Variants in PKHD1 observed in about 807,000 individuals in gnomAD.
The protein encoded by PKHD1 is PKHD1 ciliary IPT domain containing fibrocystin/polyductin.
In PKHD1, 291 loss-of-function variants were observed where a neutral mutation model predicts 412.0. The ratio of observed to expected loss-of-function variants is 0.71; its 90% CI spans 0.64 to 0.78. The LOEUF is 0.78. Among genes scored for constraint, PKHD1 ranks in the 30% least tolerant of loss-of-function variants. The pLI, the probability that PKHD1 is intolerant of heterozygous loss-of-function variation, is 0.00. For missense variants in PKHD1, 4,825 were observed against 4,950.7 expected, an observed-to-expected ratio of 0.97 and a Z score of 0.76; for synonymous variants, 1,777 against 1,821.5, an observed-to-expected ratio of 0.98 and a Z score of 0.62.
At chr6:51,819,219 CT>C (rs1765974805) in intron 52 of PKHD1, among the ~76,000 whole-genome samples, 1 of 152,174 alleles carries the variant, frequency 6.6e-6, no homozygotes, top group Non-Finnish European at 1.5e-5. Flanking sequence ...ACAGCTGGTA[CT>C]ATATCCCCCT....
intron 9 of PKHD1, 70 bp downstream of exon 9, chr6:52,070,935 CA>C (rs1810519688): frequency 1.1e-6 from 1 of 890,504 alleles, no homozygotes; most frequent in African/African-American, 1.6e-5. Flanking sequence ...ACCAATCTTG[CA>C]ATTGCTTTTG....
At chr6:51,897,789 CAT>C (rs1419020807) in intron 43 of PKHD1, among the ~76,000 whole-genome samples, 5 of 143,376 alleles carry the variant, frequency 3.5e-5, no homozygotes, top group Non-Finnish European at 7.5e-5. Flanking sequence ...CAGAGACACA[CAT>C]AGGCTCAAAA....
chr6:52,005,802 G>A (rs1020192765), intron 35 of PKHD1, among the ~76,000 whole-genome samples: 4 of 151,826 alleles, frequency 2.6e-5, no homozygotes, highest in African/African-American at 9.7e-5. Flanking sequence ...ACGTATTGAA[G>A]GATCGCAAAA....
chr6:52,015,074 T>A (rs1800352423), intron 34 of PKHD1, among the ~76,000 whole-genome samples: 1 of 152,212 alleles, frequency 6.6e-6, no homozygotes, highest in Non-Finnish European at 1.5e-5. Context: ...TACAAACATA[T>A]ACACTATATA....
At chr6:51,975,249 T>C (rs1048651636) in intron 35 of PKHD1, among the ~76,000 whole-genome samples, 8 of 152,150 alleles carry the variant, frequency 5.3e-5, no homozygotes, top group African/African-American at 1.9e-4. Flanking sequence ...AATGATTTCT[T>C]GGATATGACA....
At chr6:51,833,146 T>C (rs1467776209) in intron 51 of PKHD1, among the ~76,000 whole-genome samples, 1 of 152,112 alleles carries the variant, frequency 6.6e-6, no homozygotes, top group African/African-American at 2.4e-5. Context: ...TCATTTCCAG[T>C]GATATTTCAA....
In PKHD1 at chr6:51,748,423, CA is replaced by C. The variant is rs1452223656; in HGVS notation, c.9192del (p.Val3065TrpfsTer3). ...CACGCTGGCTGTGTCATCAGAACCA[CA>C]AGGTTATTAGTGACAGTATAGGCCT... ...EGQAYTVTNN[L>X]VVLMTQPAWS... On this transcript the variant is annotated frameshift_variant, in exon 58 of 67. Transcript: ENST00000371117. LOFTEE classifies it high-confidence loss of function. The C allele has an allele frequency of 6.2e-7, 1 of 1,613,914 alleles. No individual in the cohort carries two copies. Among genetic ancestry groups the C allele is most frequent in the African/African-American group, 1.3e-5 (1 of 74,912 alleles).
At position 51,638,916 on chromosome 6, in the gene PKHD1, G is replaced by A. The variant is rs761556765; in HGVS notation, c.11439C>T (p.Phe3813=). 3 of 1,613,728 alleles carry A rather than the reference G, an allele frequency of 1.9e-6. No individual in the cohort carries two copies. The highest frequency in any genetic ancestry group is 3.3e-5 in the Admixed American group (2 of 59,996). The change falls in exon 64 of 67, where the codon TTC becomes TTT. Residue 3813 remains phenylalanine, a synonymous_variant. Coordinates refer to ENST00000371117, the MANE Select transcript of PKHD1 (RefSeq NM_138694.4). ...QAETQDGYVS[F]YNLAVLISGS... is the part of the protein sequence containing the mutation. Reference sequence around the variant, plus strand: ...CAGAGATCAAGACTGCCAAGTTGTAGAAGCTAACATAACCATCTTGAGTTT... The same window carrying A: ...CAGAGATCAAGACTGCCAAGTTGTAAAAGCTAACATAACCATCTTGAGTTT...
chr6:52,064,113 T>C (rs1430385358), intron 13 of PKHD1, among the ~76,000 whole-genome samples: 1 of 152,358 alleles, frequency 6.6e-6, no homozygotes, highest in South Asian at 2.1e-4. Flanking sequence ...CACACCTGAA[T>C]GCCCTTTCTT....
intron 43 of PKHD1, among the ~76,000 whole-genome samples, chr6:51,898,978 T>A (rs1780687651): frequency 6.6e-6 from 1 of 152,186 alleles, no homozygotes; most frequent in Non-Finnish European, 1.5e-5. Context: ...AGAAGTTGAA[T>A]CTCTGAATAG....
chr6:51,826,273 G>A (rs1767298697), intron 52 of PKHD1, among the ~76,000 whole-genome samples: 5 of 152,070 alleles, frequency 3.3e-5, no homozygotes, highest in Admixed American at 3.3e-4. Flanking sequence ...AGAACAAACA[G>A]AAGAGCTATT....
chr6:52,031,789 T>C (rs1803078215), intron 29 of PKHD1, among the ~76,000 whole-genome samples: 1 of 152,248 alleles, frequency 6.6e-6, no homozygotes, highest in Admixed American at 6.5e-5. Flanking sequence ...GTGGATTTTA[T>C]AACATGCTCC....
rs1388716999 is a variant in PKHD1 at position 51,748,277 on chromosome 6, AG to A, written c.9338del (p.Ser3113PhefsTer49). The A allele has an allele frequency of 4.3e-6, 7 of 1,613,958 alleles. No homozygotes were observed. The highest frequency in any genetic ancestry group is 5.9e-6 in the Non-Finnish European group (7 of 1,179,990). On this transcript the variant is annotated frameshift_variant, in exon 58 of 67. Coordinates refer to ENST00000371117, the MANE Select transcript of PKHD1 (RefSeq NM_138694.4). LOFTEE classifies it high-confidence loss of function. ...GFHIRGHKCSSCELLWSDNVA... is the reference protein window; with the variant it reads ...GFHIRGHKCSXCELLWSDNVA... ...CATTGTCAGACCAAAGCAGTTCACA[AG>A]AGGAGCACTTGTGGCCTCGGATGTG...
chr6:51,736,741 C>CTG (rs1783903915), intron 60 of PKHD1, among the ~76,000 whole-genome samples: 1 of 152,154 alleles, frequency 6.6e-6, no homozygotes, highest in South Asian at 2.1e-4. Flanking sequence ...CGTTTCCTCT[C>CTG]TCCATTCTGT....
rs77742976 is a variant in PKHD1 at position 51,983,323 on chromosome 6, G to T, written c.5752-23297C>A. Among the ~76,000 whole-genome samples the T allele has an allele frequency of 3.2e-3, 481 of 152,290 alleles. 5 individuals carry two copies. The highest frequency in any genetic ancestry group is 0.011 in the African/African-American group (461 of 41,544). ...CTGAAACATCATTATTGTGTAAACG[G>T]AATCTCCTTTTACATTAGTTTTCAG... On this transcript the variant is annotated intron_variant, in intron 35 of 66. Transcript: ENST00000371117.
rs114158751 is a variant in PKHD1 at position 51,884,241 on chromosome 6, C to T, written c.7216-1014G>A. 2.6e-3 allele frequency among the ~76,000 whole-genome samples: 398 copies of T among 152,218 alleles called. 4 individuals are homozygous for T. The highest frequency in any genetic ancestry group is 8.6e-3 in the African/African-American group (358 of 41,536). On this transcript the variant is annotated intron_variant, in intron 45 of 66. Transcript: ENST00000371117. ...TACAACTTAATTCTTTTGTGTGTGA[C>T]CATCTAGTTATACAAGCACCATTTG...
intron 43 of PKHD1, among the ~76,000 whole-genome samples, chr6:51,901,002 A>C (rs1420442257): frequency 2.0e-5 from 3 of 151,532 alleles, no homozygotes; most frequent in African/African-American, 7.3e-5. Context: ...GGCAATCATT[A>C]AAAAGTCAGG....
intron 46 of PKHD1, 81 bp from the exon 47 acceptor site, chr6:51,870,720 A>C: frequency 8.7e-7 from 1 of 1,152,250 alleles, no homozygotes; most frequent in Non-Finnish European, 1.3e-6. Context: ...CATGAATAAA[A>C]ACAAAGATAA....
intron 60 of PKHD1, among the ~76,000 whole-genome samples, chr6:51,714,214 A>C (rs779908752): frequency 3.3e-5 from 5 of 152,148 alleles, no homozygotes; most frequent in Non-Finnish European, 7.3e-5. Flanking sequence ...TATGAAAAAT[A>C]CAAAAATTAG....
Sources: gnomAD v4.1 joint callset for allele counts (sites outside exome capture counted in the v4.1 genomes callset) on GRCh38, gnomAD v4.1.1 for gene constraint, MANE v1.5 for transcripts, NCBI Gene and HGNC (gene_info 2026-07-23, HGNC 2026-07-21) for gene names.